CRACR2A: variants seen among roughly 807,000 people sequenced by gnomAD.
CRACR2A encodes calcium release activated channel regulator 2A.
In CRACR2A, 79 loss-of-function variants were observed where a neutral mutation model predicts 90.5. The ratio of observed to expected loss-of-function variants is 0.87; its 90% CI spans 0.73 to 1.05. The LOEUF (loss-of-function observed/expected upper bound fraction) is 1.05. CRACR2A is among the 50% of genes least tolerant of loss of function. The pLI is 0.00. For missense variants in CRACR2A, 823 were observed against 897.2 expected (o/e 0.92, Z 1.06); for synonymous variants, 338 against 356.7 (o/e 0.95, Z 0.59).
chr12:3,724,758 A>C (rs1032926674), intron 2 of CRACR2A, among the ~76,000 whole-genome samples: 4 of 152,144 alleles, frequency 2.6e-5, no homozygotes, highest in African/African-American at 9.7e-5. Context: ...GGTGTTGGGG[A>C]GGGGTGGAGT....
chr12:3,633,714 G>A lies in CRACR2A; in HGVS notation c.1625C>T (p.Pro542Leu). The A allele has an allele frequency of 6.4e-7, 1 of 1,551,756 alleles. No individual in the cohort carries two copies. Among genetic ancestry groups the A allele is most frequent in the Non-Finnish European group, 8.7e-7 (1 of 1,147,008 alleles). ...LCKEESSPSA[P>L]DRLFKIVFVG... ...GAACACAATCTTGAAGAGCCGGTCA[G>A]GGGCAGAGGGAGAGCTTTCCTCCTG... The change falls in exon 15 of 20, where the codon CCT becomes CTT. Residue 542 changes from proline to leucine, a missense_variant. Transcript: ENST00000440314. This position sits in a 1 kb window ranked among gnomAD's most constrained non-coding sequence, Gnocchi z 4.5.
rs1021043528 is a variant in CRACR2A at position 3,633,329 on chromosome 12, C to T, written c.1735+275G>A. ...GGAAGGGGACCCAAATCTACCTTTA[C>T]CAAATTTAGTTCCATAAACCCAAGG... On this transcript the variant is annotated intron_variant, in intron 15 of 19. Coordinates refer to ENST00000440314, the MANE Select transcript of CRACR2A (RefSeq NM_001144958.2). The surrounding 1 kb of genome is among the most constrained non-coding windows in gnomAD (Gnocchi z 4.5). Among the ~76,000 whole-genome samples the T allele has an allele frequency of 2.6e-5, 4 of 152,082 alleles. No individual in the cohort carries two copies. Among genetic ancestry groups the T allele is most frequent in the Admixed American group, 1.3e-4 (2 of 15,272 alleles).
At chr12:3,709,811 T>C (rs768064466) in intron 3 of CRACR2A, among the ~76,000 whole-genome samples, 3 of 152,176 alleles carry the variant, frequency 2.0e-5, no homozygotes, top group Non-Finnish European at 4.4e-5. Flanking sequence ...AAAACCTTGG[T>C]TTCTTTATCT....
chr12:3,734,502 A>G (rs1198532689), intron 1 of CRACR2A, among the ~76,000 whole-genome samples: 4 of 152,146 alleles, frequency 2.6e-5, no homozygotes, highest in Admixed American at 2.6e-4. Flanking sequence ...AGGAAACACG[A>G]TCAGTAGCTC....
intron 6 of CRACR2A, among the ~76,000 whole-genome samples, chr12:3,674,505 TAA>T (rs1945306742): frequency 6.6e-6 from 1 of 152,216 alleles, no homozygotes; most frequent in Non-Finnish European, 1.5e-5. Flanking sequence ...AAGTTAAACA[TAA>T]ATCTGAAAGA....
intron 10 of CRACR2A, among the ~76,000 whole-genome samples, chr12:3,653,143 T>G (rs148835887): frequency 1.3e-5 from 2 of 152,142 alleles, no homozygotes; most frequent in African/African-American, 4.8e-5. Context: ...CCATCATGCC[T>G]GGCTAATTTT....
chr12:3,738,963 T>A (rs1204191385), intron 1 of CRACR2A, among the ~76,000 whole-genome samples: 2 of 152,136 alleles, frequency 1.3e-5, no homozygotes, highest in Non-Finnish European at 2.9e-5. Flanking sequence ...TAAAATCATG[T>A]CACTGTCTTC....
At chr12:3,661,691 C>A (rs1565479635) in intron 7 of CRACR2A, among the ~76,000 whole-genome samples, 1 of 152,208 alleles carries the variant, frequency 6.6e-6, no homozygotes, top group African/African-American at 2.4e-5. Flanking sequence ...AAGATGTTTT[C>A]TCTTGGTCCC....
Position 3,633,168 on chromosome 12 carries a change from C to T in CRACR2A, c.1735+436G>A, listed in dbSNP as rs1380687790. ...GCAAGGCCAGGATGTAGCAGGCCCTCAGGAAGACAGGGGGAGGTGTGGCAG... is the reference window on the plus strand; with the variant it reads ...GCAAGGCCAGGATGTAGCAGGCCCTTAGGAAGACAGGGGGAGGTGTGGCAG... On this transcript the variant is annotated intron_variant, in intron 15 of 19. Coordinates refer to ENST00000440314, the MANE Select transcript of CRACR2A (RefSeq NM_001144958.2). This position sits in a 1 kb window ranked among gnomAD's most constrained non-coding sequence, Gnocchi z 4.5. Among the ~76,000 whole-genome samples, 1 of 151,842 alleles carries T rather than the reference C, an allele frequency of 6.6e-6. No homozygotes were observed. Among genetic ancestry groups the T allele is most frequent in the Non-Finnish European group, 1.5e-5 (1 of 67,978 alleles).
chr12:3,636,383 A>G (rs1160802758), intron 14 of CRACR2A, among the ~76,000 whole-genome samples: 1 of 152,240 alleles, frequency 6.6e-6, no homozygotes, highest in African/African-American at 2.4e-5. Context: ...TGTTCCCAGC[A>G]AAACGGCAGC....
chr12:3,743,219 T>G (rs1292788749), intron 1 of CRACR2A, among the ~76,000 whole-genome samples: 1 of 152,176 alleles, frequency 6.6e-6, no homozygotes, highest in African/African-American at 2.4e-5. Flanking sequence ...GGAAGCTGAG[T>G]AACTTTTCTT....
intron 11 of CRACR2A, among the ~76,000 whole-genome samples, chr12:3,647,714 A>C (rs1395496446): frequency 1.3e-5 from 2 of 152,198 alleles, no homozygotes; most frequent in African/African-American, 4.8e-5. Context: ...AGACACAGTG[A>C]GCTTCCCTTG....
At chr12:3,731,203 G>C (rs1446418334) in intron 2 of CRACR2A, 1 of 152,510 alleles carries the variant, frequency 6.6e-6, no homozygotes, top group Non-Finnish European at 1.5e-5. Flanking sequence ...CAGGGGGAAA[G>C]TGATGCACTC....
At chr12:3,646,919 A>C (rs778764535) in intron 11 of CRACR2A, among the ~76,000 whole-genome samples, 9 of 152,148 alleles carry the variant, frequency 5.9e-5, no homozygotes, top group Admixed American at 2.0e-4. Context: ...GTATCATCTA[A>C]TTCTCAAAAG....
At chr12:3,674,567 CAGT>C (rs1413882655) in intron 6 of CRACR2A, among the ~76,000 whole-genome samples, 2 of 152,170 alleles carry the variant, frequency 1.3e-5, no homozygotes, top group Non-Finnish European at 2.9e-5. Flanking sequence ...AGCTAGCAGA[CAGT>C]AGAGTGTTAT....
intron 5 of CRACR2A, 73 bp downstream of exon 5, chr12:3,680,165 G>A: frequency 1.6e-6 from 2 of 1,274,830 alleles, no homozygotes; most frequent in East Asian, 2.4e-5. Context: ...GGTCTACAAG[G>A]GACAGGAATG....
At chr12:3,703,290 A>T (rs903041695) in intron 3 of CRACR2A, among the ~76,000 whole-genome samples, 6 of 152,254 alleles carry the variant, frequency 3.9e-5, no homozygotes, top group East Asian at 1.9e-4. Flanking sequence ...GGGTTTCACC[A>T]TAGCCAGGAT....
chr12:3,671,877 A>G (rs1304859675), intron 7 of CRACR2A, among the ~76,000 whole-genome samples: 3 of 152,360 alleles, frequency 2.0e-5, no homozygotes, highest in East Asian at 1.9e-4. Flanking sequence ...TACTGTCCCT[A>G]TCTTACAGAT....
chr12:3,661,473 C>T (rs1388095671), intron 7 of CRACR2A, among the ~76,000 whole-genome samples: 3 of 152,344 alleles, frequency 2.0e-5, no homozygotes, highest in South Asian at 2.1e-4. Context: ...TTCATGGATA[C>T]GTCCTGCATC....
Sources: allele counts gnomAD v4.1 joint callset (sites outside exome capture counted in the v4.1 genomes callset), GRCh38; gene constraint gnomAD v4.1.1; non-coding constraint Gnocchi (gnomAD v3.1); transcripts MANE v1.5; gene names NCBI Gene and HGNC (gene_info 2026-07-23, HGNC 2026-07-21).